PSPH: variants seen among roughly 807,000 people sequenced by gnomAD.
PSPH encodes phosphoserine phosphatase, also known as L-3-phosphoserine phosphatase.
Under a neutral mutation model 23.4 loss-of-function variants are expected in PSPH, and 16 were observed. The observed-to-expected ratio is 0.68, with a 90% CI of 0.46 to 1.04. The LOEUF (loss-of-function observed/expected upper bound fraction) is 1.04. Among genes scored for constraint, PSPH ranks in the 50% least tolerant of loss-of-function variants. The probability of loss-of-function intolerance (pLI) is 0.00; values close to 1 mark genes in which losing one functional copy is unlikely to be tolerated. For missense variants in PSPH, 223 were observed against 273.7 expected (o/e 0.81, Z 1.31); for synonymous variants, 68 against 99.7 (o/e 0.68, Z 1.89).
intron 7 of PSPH, among the ~76,000 whole-genome samples, chr7:56,012,771 T>G (rs959077707): frequency 1.3e-5 from 2 of 148,586 alleles, no homozygotes; most frequent in Non-Finnish European, 3.0e-5. Context: ...TTTTTTTGTA[T>G]TTTTGTAGAG....
At chr7:56,037,614 T>C (rs1295591510) in intron 1 of PSPH, among the ~76,000 whole-genome samples, 1 of 152,068 alleles carries the variant, frequency 6.6e-6, no homozygotes, top group African/African-American at 2.4e-5. Flanking sequence ...TGGGTCTCAT[T>C]GGTCTCCAAC....
chr7:56,022,115 G>A (rs1185946885), intron 3 of PSPH, among the ~76,000 whole-genome samples: 1 of 152,056 alleles, frequency 6.6e-6, no homozygotes, highest in Non-Finnish European at 1.5e-5. Flanking sequence ...ATTGCTTGAG[G>A]CCAGGAGTTC....
intron 1 of PSPH, among the ~76,000 whole-genome samples, chr7:56,046,014 C>G (rs2117191660): frequency 6.6e-6 from 1 of 152,182 alleles, no homozygotes; most frequent in Admixed American, 6.6e-5. Context: ...CTCCAACTTC[C>G]ATGGGGTAAC....
rs1787916530 is a variant in PSPH at position 56,011,587 on chromosome 7, G to GT, written c.*174dup. 7.6e-6 allele frequency: 4 copies of GT among 527,190 alleles called. No individual in the cohort carries two copies. The African/African-American group carries it at 8.2e-5, about 11-fold the overall frequency. 32.7% of individuals were successfully genotyped at this position (527,190 alleles called of 1,614,324 possible). ...GTCATCATATAATACTGGAACTACA[G>GT]TTAAAAAAAAAAAAAAAGCAATCTT... On this transcript the variant is annotated 3_prime_UTR_variant, in exon 8 of 8. Transcript: ENST00000275605.
At chr7:56,033,359 AGT>A (rs1053056515) in intron 2 of PSPH, 1 of 151,680 alleles carries the variant, frequency 6.6e-6, no homozygotes, top group Non-Finnish European at 1.5e-5. Context: ...TTAAAAAATT[AGT>A]TAGGCATGAT....
intron 2 of PSPH, among the ~76,000 whole-genome samples, chr7:56,033,645 T>A (rs1791338602): frequency 6.6e-6 from 1 of 152,186 alleles, no homozygotes; most frequent in East Asian, 1.9e-4. Context: ...AAAATTCTAA[T>A]TCTAATGGGA....
At chr7:56,024,947 G>A (rs1051808552) in intron 3 of PSPH, among the ~76,000 whole-genome samples, 2 of 151,392 alleles carry the variant, frequency 1.3e-5, no homozygotes, top group African/African-American at 2.4e-5. Context: ...AGGATTATAG[G>A]TGCATGCCAC....
intron 1 of PSPH, among the ~76,000 whole-genome samples, chr7:56,036,944 C>CG (rs1370977741): frequency 1.3e-5 from 2 of 151,944 alleles, no homozygotes; most frequent in Admixed American, 1.3e-4. Flanking sequence ...GAGGCTGAGG[C>CG]GGGAGGATCA....
At chr7:56,045,508 A>G (rs1194325822) in intron 1 of PSPH, among the ~76,000 whole-genome samples, 3 of 152,056 alleles carry the variant, frequency 2.0e-5, no homozygotes, top group African/African-American at 7.2e-5. Context: ...TACCACTTGC[A>G]AATGGTTAGG....
chr7:56,025,047 T>C (rs1281390605), intron 3 of PSPH, among the ~76,000 whole-genome samples: 1 of 151,838 alleles, frequency 6.6e-6, no homozygotes, highest in African/African-American at 2.4e-5. Flanking sequence ...CAAATGATCC[T>C]CCTGCCTCAG....
intron 5 of PSPH, 87 bp downstream of exon 5, chr7:56,019,513 A>C (rs75045388): frequency 2.2e-6 from 3 of 1,354,070 alleles, no homozygotes; most frequent in Admixed American, 4.5e-5. Flanking sequence ...CCCAGAGGGC[A>C]CTCTAAAGGA....
intron 1 of PSPH, chr7:56,043,250 T>A (rs774822260): frequency 6.7e-6 from 1 of 149,190 alleles, no homozygotes; most frequent in Non-Finnish European, 1.5e-5. Flanking sequence ...GCCTGGGCGA[T>A]AGAGTGAGAC....
intron 1 of PSPH, among the ~76,000 whole-genome samples, chr7:56,044,750 A>G (rs1437611619): frequency 1.3e-5 from 2 of 151,476 alleles, no homozygotes; most frequent in Non-Finnish European, 2.9e-5. Context: ...CAGTGAGCTA[A>G]TGATTGTGCC....
intron 7 of PSPH, among the ~76,000 whole-genome samples, chr7:56,012,658 CT>C (rs1256534971): frequency 6.6e-6 from 1 of 151,350 alleles, no homozygotes; most frequent in African/African-American, 2.4e-5. Context: ...GGTGTGGTAG[CT>C]CATGCCTGTA....
At chr7:56,029,437 T>C (rs1002197444) in intron 3 of PSPH, among the ~76,000 whole-genome samples, 3 of 149,860 alleles carry the variant, frequency 2.0e-5, no homozygotes, top group Non-Finnish European at 4.4e-5. Flanking sequence ...GAACAGAACT[T>C]CTGCCTGGCT....
chr7:56,011,756 T>C lies in PSPH; in HGVS notation c.*6A>G, dbSNP rs1787932340. ...GAAGTTGTTTGGAGCTGTACGACAA[T>C]GGATGTTATTCTTCCAGTTCTCCCA... On this transcript the variant is annotated 3_prime_UTR_variant, in exon 8 of 8. Coordinates refer to ENST00000275605, the MANE Select transcript of PSPH (RefSeq NM_004577.4). The C allele has an allele frequency of 6.2e-7, 1 of 1,601,068 alleles. No individual in the cohort carries two copies. The highest frequency in any genetic ancestry group is 8.6e-7 in the Non-Finnish European group (1 of 1,168,342).
At chr7:56,013,156 T>TACACACACACACACAC (rs34329610) in intron 7 of PSPH, among the ~76,000 whole-genome samples, 88 of 142,172 alleles carry the variant, frequency 6.2e-4, no homozygotes, top group South Asian at 3.7e-3. Context: ...TGTATGTGTA[T>TACACACACACACACAC]ACACACACAC....
chr7:56,031,135 C>T (rs183815390), intron 3 of PSPH, among the ~76,000 whole-genome samples: 26 of 149,610 alleles, frequency 1.7e-4, no homozygotes, highest in Non-Finnish European at 2.7e-4. Context: ...GGCGTGAACC[C>T]GGGAAGCGGA....
At chr7:56,030,352 T>TGCTCACCTCGGCCTCCCAAAGTGCTGGGA (rs1562808803) in intron 3 of PSPH, among the ~76,000 whole-genome samples, 28 of 151,744 alleles carry the variant, frequency 1.8e-4, no homozygotes, top group Non-Finnish European at 1.5e-4. Flanking sequence ...TCAGGAGTTC[T>TGCTCACCTCGGCCTCCCAAAGTGCTGGGA]GCTCACCTCG....
Sources: gnomAD v4.1 joint callset for allele counts (sites outside exome capture counted in the v4.1 genomes callset) on GRCh38, gnomAD v4.1.1 for gene constraint, MANE v1.5 for transcripts, NCBI Gene and HGNC (gene_info 2026-07-23, HGNC 2026-07-21) for gene names.